Variants in ZNF609 observed in about 807,000 individuals in gnomAD.
ZNF609 encodes the protein zinc finger protein 609.
Under a neutral mutation model 109.5 loss-of-function variants are expected in ZNF609, and 11 were observed. That is an observed-to-expected ratio of 0.10 (90% CI 0.06 to 0.17). The LOEUF (loss-of-function observed/expected upper bound fraction) is 0.17, where lower values mean the gene tolerates loss of function less well. Ranked by LOEUF, ZNF609 falls within the 10% of genes least tolerant of loss-of-function variation. The pLI is 1.00. For missense variants in ZNF609, 1,559 were observed against 1,772.4 expected (o/e 0.88, Z 2.16); for synonymous variants, 646 against 662.0 (o/e 0.98, Z 0.37).
At position 64,649,082 on chromosome 15, in the gene ZNF609, T is replaced by C. The variant is rs140793736; in HGVS notation, c.974-21264T>C. On this transcript the variant is annotated intron_variant, in intron 3 of 9. Coordinates refer to ENST00000326648, the MANE Select transcript of ZNF609 (RefSeq NM_015042.2). ...TTGGTTGGGCAAATTCTGACAATTA[T>C]TTTTAAATGTAAGCCCAATGAAGTC... Among the ~76,000 whole-genome samples the C allele has an allele frequency of 6.6e-3, 999 of 152,286 alleles. 16 individuals carry two copies. The highest frequency in any genetic ancestry group is 0.023 in the African/African-American group (960 of 41,558).
chr15:64,476,487 A>G (rs922916245), intron 1 of ZNF609, among the ~76,000 whole-genome samples: 1 of 152,096 alleles, frequency 6.6e-6, no homozygotes, highest in Non-Finnish European at 1.5e-5. Context: ...TAAAGTAGAG[A>G]TCTTTGAGAA....
intron 1 of ZNF609, among the ~76,000 whole-genome samples, chr15:64,492,073 C>G (rs1427418784): frequency 2.0e-5 from 3 of 152,104 alleles, no homozygotes; most frequent in South Asian, 4.2e-4. Context: ...GAAACCCCAT[C>G]TCTACTAAAA....
At chr15:64,505,125 T>C (rs1196400216) in intron 2 of ZNF609, among the ~76,000 whole-genome samples, 1 of 152,216 alleles carries the variant, frequency 6.6e-6, no homozygotes, top group Non-Finnish European at 1.5e-5. Context: ...GGTAAGGTAA[T>C]GAATGATGTT....
Position 64,627,667 on chromosome 15 carries a change from T to TTC in ZNF609, c.973+4616_973+4617insCT, listed in dbSNP as rs1555423635. ...TTTTTAGTTCTTTTTTTCTTTCTTT[T>TTC]TTTTTTTTTTTTTTTTTTGAGACAG... is the stretch of plus-strand genomic sequence containing the variant. On this transcript the variant is annotated intron_variant, in intron 3 of 9. Transcript: ENST00000326648. 4.6e-5 allele frequency among the ~76,000 whole-genome samples: 6 copies of TTC among 131,528 alleles called. No individual in the cohort carries two copies. In the East Asian group the frequency reaches 8.8e-4, roughly 19 times the overall value. The allele number at this position is 131,528 out of a possible 152,430, so 86.3% of individuals were successfully genotyped here.
At chr15:64,645,715 G>A (rs920239600) in intron 3 of ZNF609, among the ~76,000 whole-genome samples, 3 of 151,870 alleles carry the variant, frequency 2.0e-5, no homozygotes, top group Non-Finnish European at 2.9e-5. Flanking sequence ...TCAAAAATGC[G>A]CGTAAGACTT....
At chr15:64,665,675 C>T (rs1323607163) in intron 3 of ZNF609, among the ~76,000 whole-genome samples, 9 of 152,018 alleles carry the variant, frequency 5.9e-5, no homozygotes, top group African/African-American at 1.9e-4. Flanking sequence ...TTTGGAAGGC[C>T]GAGGCAGGCA....
chr15:64,562,700 C>T (rs1032708531), intron 2 of ZNF609, among the ~76,000 whole-genome samples: 1 of 149,708 alleles, frequency 6.7e-6, no homozygotes, highest in African/African-American at 2.5e-5. Flanking sequence ...TCATGATTGT[C>T]GTAATTAAAC....
chr15:64,656,625 C>A (rs1896492146), intron 3 of ZNF609, among the ~76,000 whole-genome samples: 1 of 152,116 alleles, frequency 6.6e-6, no homozygotes, highest in Admixed American at 6.6e-5. Flanking sequence ...GTTTGTAGTG[C>A]AGCATATGGT....
At chr15:64,586,773 G>C (rs1895206047) in intron 2 of ZNF609, among the ~76,000 whole-genome samples, 1 of 152,142 alleles carries the variant, frequency 6.6e-6, no homozygotes, top group African/African-American at 2.4e-5. Context: ...TATTGGAACA[G>C]AGTTAAAGAC....
intron 2 of ZNF609, among the ~76,000 whole-genome samples, chr15:64,503,692 C>A (rs190216218): frequency 2.0e-5 from 3 of 152,310 alleles, no homozygotes; most frequent in Admixed American, 1.3e-4. Context: ...GAAGCTCCCC[C>A]TCACATGTCT....
chr15:64,589,088 T>G (rs2140936547), intron 2 of ZNF609, among the ~76,000 whole-genome samples: 1 of 152,348 alleles, frequency 6.6e-6, no homozygotes, highest in South Asian at 2.1e-4. Context: ...GCTAGTTCCA[T>G]TTTAGCTCTT....
intron 2 of ZNF609, among the ~76,000 whole-genome samples, chr15:64,601,633 G>C (rs574921838): frequency 1.7e-4 from 26 of 152,296 alleles, no homozygotes; most frequent in Non-Finnish European, 3.1e-4. Flanking sequence ...AAACATTTAA[G>C]TCCAAATTAA....
At chr15:64,576,260 GGTT>G (rs1165064237) in intron 2 of ZNF609, among the ~76,000 whole-genome samples, 5 of 152,092 alleles carry the variant, frequency 3.3e-5, no homozygotes, top group South Asian at 2.1e-4. Context: ...GTATAAATGT[GGTT>G]GTTGTTATTA....
Position 64,674,686 on chromosome 15 carries a change from A to G in ZNF609, c.1832A>G (p.Asp611Gly). ...GCCTTATCCAATGATGGCTCTGATG[A>G]TGGACCCTCAGTGATGGATGAAACA... ...LGALSNDGSD[D>G]GPSVMDETSN... The change falls in exon 5 of 10, where the codon GAT (aspartate) becomes GGT (glycine). Residue 611 changes from aspartate to glycine, a missense_variant. Physicochemically the swap from Asp to Gly is moderately conservative, Grantham distance 94. This residue lies in a region of ZNF609 where 1,204 missense variants were observed against 1,314.1 expected (regional missense o/e 0.92). Transcript: ENST00000326648. 6.2e-7 allele frequency: 1 copy of G among 1,614,188 alleles called. No individual in the cohort carries two copies.
intron 2 of ZNF609, among the ~76,000 whole-genome samples, chr15:64,567,744 C>G (rs1894800029): frequency 6.6e-6 from 1 of 151,602 alleles, no homozygotes; most frequent in Non-Finnish European, 1.5e-5. Context: ...TCACTGCGAC[C>G]TCTGTCTCCC....
chr15:64,567,209 G>T (rs1894789475), intron 2 of ZNF609, among the ~76,000 whole-genome samples: 1 of 152,060 alleles, frequency 6.6e-6, no homozygotes, highest in Non-Finnish European at 1.5e-5. Flanking sequence ...ATTCCAGCTG[G>T]GCGCCATGAC....
chr15:64,681,459 A>G lies in ZNF609; in HGVS notation c.*5+72A>G. The G allele has an allele frequency of 2.3e-6, 3 of 1,326,008 alleles. No individual in the cohort carries two copies. In the South Asian group the frequency reaches 3.6e-5, roughly 16 times the overall value. 82.1% of individuals were successfully genotyped at this position (1,326,008 alleles called of 1,614,324 possible). A position where few individuals can be genotyped will look rare whatever the true frequency, so the allele number is the denominator to read the frequency against. On this transcript the variant is annotated intron_variant, in intron 9 of 9. Coordinates refer to ENST00000326648, the MANE Select transcript of ZNF609 (RefSeq NM_015042.2). ...TTGCTACCTGGATCACAGAATCCCT[A>G]GGTGAGAAATAGCTATGAGGGGTCA...
intron 2 of ZNF609, among the ~76,000 whole-genome samples, chr15:64,576,363 A>G (rs1385888926): frequency 6.6e-6 from 1 of 152,112 alleles, no homozygotes; most frequent in African/African-American, 2.4e-5. Context: ...GCTTAAATAT[A>G]TTATAAATTC....
chr15:64,665,480 C>T (rs999997263), intron 3 of ZNF609, among the ~76,000 whole-genome samples: 12 of 152,130 alleles, frequency 7.9e-5, no homozygotes, highest in Non-Finnish European at 1.6e-4. Context: ...GACCAGGTGC[C>T]GTGGCTCATG....
Sources: allele counts gnomAD v4.1 joint callset (sites outside exome capture counted in the v4.1 genomes callset), GRCh38; gene constraint gnomAD v4.1.1; regional missense constraint gnomAD v4.1.1; transcripts MANE v1.5; gene names NCBI Gene and HGNC (gene_info 2026-07-23, HGNC 2026-07-21).